The following GALNT18 variants were observed in gnomAD, a reference collection of about 807,000 sequenced individuals.
The protein encoded by GALNT18 is GalNAc-transferase 18.
A neutral mutation model predicts 69.5 loss-of-function variants in GALNT18; 44 were observed. The observed-to-expected ratio is 0.63, with a 90% CI of 0.50 to 0.81. GALNT18 has a LOEUF of 0.81. GALNT18 is among the 40% of genes least tolerant of loss of function. The probability of loss-of-function intolerance (pLI) is 0.00; values close to 1 mark genes in which losing one functional copy is unlikely to be tolerated. For synonymous variants in GALNT18, 364 were observed against 318.2 expected, an observed-to-expected ratio of 1.14 and a Z score of -1.53; for missense variants, 715 against 810.0, an observed-to-expected ratio of 0.88 and a Z score of 1.42.
At position 11,563,828 on chromosome 11, in the gene GALNT18, G is replaced by A. The variant is rs1367974044; in HGVS notation, c.235+57531C>T. ...TATAAATATCCAGAGAGAGGGAGAC[G>A]AGATGAGAAAACAGATATCCTTTCC... is the stretch of plus-strand genomic sequence containing the variant. On this transcript the variant is annotated intron_variant, in intron 1 of 10. Transcript: ENST00000227756. The surrounding 1 kb of genome is among the most constrained non-coding windows in gnomAD (Gnocchi z 4.6). Among the ~76,000 whole-genome samples, 5 of 152,232 alleles carry A rather than the reference G, an allele frequency of 3.3e-5. No homozygotes were observed. The highest frequency in any genetic ancestry group is 2.1e-4 in the South Asian group (1 of 4,830).
chr11:11,282,072 A>C (rs760620123), intron 10 of GALNT18, among the ~76,000 whole-genome samples: 14 of 152,100 alleles, frequency 9.2e-5, no homozygotes, highest in Non-Finnish European at 2.1e-4. Flanking sequence ...TAAAAGGTTA[A>C]AGTTTAAAAC....
At chr11:11,456,237 T>G (rs763053628) in intron 1 of GALNT18, among the ~76,000 whole-genome samples, 1 of 152,134 alleles carries the variant, frequency 6.6e-6, no homozygotes, top group Non-Finnish European at 1.5e-5. Context: ...GAATGTAGGT[T>G]TAATCAATCC....
chr11:11,408,947 G>T (rs1364920082), intron 3 of GALNT18, among the ~76,000 whole-genome samples: 1 of 152,136 alleles, frequency 6.6e-6, no homozygotes, highest in Non-Finnish European at 1.5e-5. Flanking sequence ...GCTCCAAAAG[G>T]CAAAACAGCA....
rs1856884058 is a variant in GALNT18 at position 11,497,327 on chromosome 11, A to ACACACACAC, written c.236-48392_236-48391insGTGTGTGTG. ...TATTTATGTTTTACCTCCTGTCTCCAACACACACACACACACACACACACA... is the reference window on the plus strand; with the variant it reads ...TATTTATGTTTTACCTCCTGTCTCCACACACACACACACACACACACACACACACACACA... On this transcript the variant is annotated intron_variant, in intron 1 of 10. Transcript: ENST00000227756. This position sits in a 1 kb window ranked among gnomAD's most constrained non-coding sequence, Gnocchi z 4.2. Among the ~76,000 whole-genome samples, 4 of 132,230 alleles carry ACACACACAC rather than the reference A, an allele frequency of 3.0e-5. No individual in the cohort carries two copies. Among genetic ancestry groups the ACACACACAC allele is most frequent in the African/African-American group, 5.9e-5 (2 of 34,006 alleles). 86.7% of individuals were successfully genotyped at this position (132,230 alleles called of 152,430 possible). A position where few individuals can be genotyped will look rare whatever the true frequency, so the allele number is the denominator to read the frequency against.
intron 2 of GALNT18, among the ~76,000 whole-genome samples, chr11:11,441,672 C>G (rs1855534194): frequency 2.0e-5 from 3 of 152,136 alleles, no homozygotes; most frequent in Admixed American, 1.3e-4. Context: ...TTGTACAGAA[C>G]CTGGCACACA....
intron 1 of GALNT18, among the ~76,000 whole-genome samples, chr11:11,576,745 G>A (rs576822246): frequency 3.4e-4 from 52 of 152,348 alleles, no homozygotes; most frequent in African/African-American, 1.2e-3. Context: ...CGGGGTCTGC[G>A]TGTGGGGCCC....
intron 1 of GALNT18, among the ~76,000 whole-genome samples, chr11:11,597,877 G>A (rs956252629): frequency 1.1e-4 from 16 of 151,992 alleles, no homozygotes. Context: ...AGCCAGGATG[G>A]TCTCGATCTC....
Position 11,410,101 on chromosome 11 carries a change from A to T in GALNT18, c.595+22520T>A, listed in dbSNP as rs377538445. On this transcript the variant is annotated intron_variant, in intron 3 of 10. Transcript: ENST00000227756. ...TGGCCCTCCCACAGGGGAGGATCAGAGACAGTGGGAAACTCAGAGAGAGGG... is the reference window on the plus strand; with the variant it reads ...TGGCCCTCCCACAGGGGAGGATCAGTGACAGTGGGAAACTCAGAGAGAGGG... Among the ~76,000 whole-genome samples the T allele has an allele frequency of 2.6e-4, 39 of 152,256 alleles. No individual in the cohort carries two copies. In the East Asian group the frequency reaches 7.5e-3, roughly 29 times the overall value.
chr11:11,571,278 C>A (rs1274204112), intron 1 of GALNT18, among the ~76,000 whole-genome samples: 1 of 152,178 alleles, frequency 6.6e-6, no homozygotes, highest in Admixed American at 6.5e-5. Flanking sequence ...CCTTCAGACA[C>A]AAAAGGAAAA....
chr11:11,476,793 T>A (rs1856409419), intron 1 of GALNT18, among the ~76,000 whole-genome samples: 1 of 152,188 alleles, frequency 6.6e-6, no homozygotes, highest in African/African-American at 2.4e-5. Context: ...ACAAGAAAGT[T>A]AAGCTGGGAA....
rs1426412804 is a variant in GALNT18 at position 11,617,668 on chromosome 11, T to A, written c.235+3691A>T. Among the ~76,000 whole-genome samples the A allele has an allele frequency of 6.6e-6, 1 of 152,238 alleles. No individual in the cohort carries two copies. Among genetic ancestry groups the A allele is most frequent in the African/African-American group, 2.4e-5 (1 of 41,466 alleles). On this transcript the variant is annotated intron_variant, in intron 1 of 10. Transcript: ENST00000227756. This position sits in a 1 kb window ranked among gnomAD's most constrained non-coding sequence, Gnocchi z 4.7. ...TTTTATGCATTTTTAAATATTTTCTTAAACATTGGCACATTCTTTTCCATA... is the reference window on the plus strand; with the variant it reads ...TTTTATGCATTTTTAAATATTTTCTAAAACATTGGCACATTCTTTTCCATA...
At chr11:11,403,586 TTC>T (rs1854516337) in intron 3 of GALNT18, among the ~76,000 whole-genome samples, 5 of 152,332 alleles carry the variant, frequency 3.3e-5, no homozygotes, top group Middle Eastern at 3.4e-3. Context: ...CCTCTGGAAC[TTC>T]TCCTTCTGAA....
chr11:11,301,514 T>A (rs1171861114), intron 9 of GALNT18, among the ~76,000 whole-genome samples: 1 of 152,186 alleles, frequency 6.6e-6, no homozygotes, highest in African/African-American at 2.4e-5. Flanking sequence ...CAGCACGAGG[T>A]CCACGTGAGG....
intron 10 of GALNT18, among the ~76,000 whole-genome samples, chr11:11,286,738 T>A (rs1051986711): frequency 6.6e-6 from 1 of 152,192 alleles, no homozygotes; most frequent in Non-Finnish European, 1.5e-5. Flanking sequence ...TCCTGCCCTC[T>A]AGTCTGTTGG....
At chr11:11,286,988 G>T (rs1456225739) in intron 10 of GALNT18, among the ~76,000 whole-genome samples, 1 of 152,140 alleles carries the variant, frequency 6.6e-6, no homozygotes, top group Non-Finnish European at 1.5e-5. Context: ...CAGCTGTGGA[G>T]CCTTTGACAA....
At chr11:11,528,539 A>T (rs374438268) in intron 1 of GALNT18, among the ~76,000 whole-genome samples, 3 of 152,234 alleles carry the variant, frequency 2.0e-5, no homozygotes, top group Non-Finnish European at 4.4e-5. Flanking sequence ...AAACTCTACA[A>T]GGCAATGAGA....
chr11:11,492,486 T>C (rs1257718328), intron 1 of GALNT18, among the ~76,000 whole-genome samples: 1 of 152,138 alleles, frequency 6.6e-6, no homozygotes, highest in African/African-American at 2.4e-5. Flanking sequence ...AGCAAAGACT[T>C]GGAACCAATC....
chr11:11,272,297 G>A (rs951877568), intron 10 of GALNT18, among the ~76,000 whole-genome samples: 1 of 152,178 alleles, frequency 6.6e-6, no homozygotes, highest in Admixed American at 6.5e-5. Flanking sequence ...TCATGTGACT[G>A]TCCCCTTATC....
intron 1 of GALNT18, among the ~76,000 whole-genome samples, chr11:11,550,071 T>C (rs1485045418): frequency 6.6e-6 from 1 of 152,148 alleles, no homozygotes; most frequent in African/African-American, 2.4e-5. Context: ...ATGGCAGCCC[T>C]AGAGAGCAGA....
Sources: gnomAD v4.1 joint callset for allele counts (sites outside exome capture counted in the v4.1 genomes callset) on GRCh38, gnomAD v4.1.1 for gene constraint, Gnocchi (gnomAD v3.1) non-coding constraint, MANE v1.5 for transcripts, NCBI Gene and HGNC (gene_info 2026-07-23, HGNC 2026-07-21) for gene names.